The following CCDC171 variants were observed in gnomAD, a reference collection of about 807,000 sequenced individuals.
CCDC171 encodes coiled-coil domain-containing protein 171.
In CCDC171, 177 loss-of-function variants were observed where a neutral mutation model predicts 168.2. The observed-to-expected ratio is 1.05, with a 90% CI of 0.93 to 1.19. CCDC171 has a LOEUF of 1.19. CCDC171 is among the 50% of genes most tolerant of loss of function. CCDC171 has a pLI of 0.00. For synonymous variants in CCDC171, 687 were observed against 540.8 expected (o/e 1.27, Z -3.75); for missense variants, 1,991 against 1,539.0 (o/e 1.29, Z -4.91).
intron 25 of CCDC171, among the ~76,000 whole-genome samples, chr9:15,940,427 C>T (rs1827582362): frequency 6.6e-6 from 1 of 151,840 alleles, no homozygotes; most frequent in Non-Finnish European, 1.5e-5. Context: ...GACTTCTCAA[C>T]TTCCCACATA....
chr9:15,617,861 C>T (rs1033688517), intron 6 of CCDC171, among the ~76,000 whole-genome samples: 1 of 152,200 alleles, frequency 6.6e-6, no homozygotes, highest in Non-Finnish European at 1.5e-5. Context: ...AGATTGCTGC[C>T]TGCTCCTTCC....
At chr9:15,764,199 T>C (rs2056601489) in intron 18 of CCDC171, among the ~76,000 whole-genome samples, 2 of 152,230 alleles carry the variant, frequency 1.3e-5, no homozygotes, top group African/African-American at 4.8e-5. Flanking sequence ...ACCCACATTA[T>C]GCAAATCCTT....
chr9:15,862,120 C>G (rs1335430491), intron 23 of CCDC171, among the ~76,000 whole-genome samples: 1 of 151,632 alleles, frequency 6.6e-6, no homozygotes, highest in Non-Finnish European at 1.5e-5. Flanking sequence ...AATAGGGATT[C>G]CCTTGTTTGT....
chr9:15,962,167 A>C (rs557317032), intron 25 of CCDC171, among the ~76,000 whole-genome samples: 1 of 152,286 alleles, frequency 6.6e-6, no homozygotes, highest in East Asian at 1.9e-4. Context: ...ACAGGGGCTA[A>C]TGCTTGTAAC....
At chr9:15,639,202 T>C (rs1268485710) in intron 7 of CCDC171, among the ~76,000 whole-genome samples, 1 of 152,068 alleles carries the variant, frequency 6.6e-6, no homozygotes, top group Non-Finnish European at 1.5e-5. Flanking sequence ...CATGTGTTTG[T>C]AGGAATCATT....
intron 24 of CCDC171, among the ~76,000 whole-genome samples, chr9:15,893,820 C>T (rs900965213): frequency 1.3e-5 from 2 of 152,162 alleles, no homozygotes; most frequent in Admixed American, 6.5e-5. Flanking sequence ...AACACTTTTA[C>T]ACTGTTGGTA....
chr9:15,624,557 A>G (rs1373142554), intron 7 of CCDC171, among the ~76,000 whole-genome samples: 3 of 151,982 alleles, frequency 2.0e-5, no homozygotes, highest in Non-Finnish European at 4.4e-5. Flanking sequence ...GTGAGAACAT[A>G]CGGTGTTTGG....
chr9:15,810,645 G>A (rs1381740366), intron 21 of CCDC171, among the ~76,000 whole-genome samples: 1 of 152,232 alleles, frequency 6.6e-6, no homozygotes, highest in Non-Finnish European at 1.5e-5. Context: ...TGCTGGCCTG[G>A]GTGCTAAGCC....
Position 15,564,102 on chromosome 9 carries a change from C to G in CCDC171, c.14C>G (p.Thr5Ser), listed in dbSNP as rs117579945. 1 of 1,606,728 alleles carries G rather than the reference C, an allele frequency of 6.2e-7. No homozygotes were observed. Among genetic ancestry groups the G allele is most frequent in the Non-Finnish European group, 8.5e-7 (1 of 1,175,924 alleles). The change falls in exon 2 of 26, where the codon ACT becomes AGT. Residue 5 changes from threonine (T) to serine (S), a missense_variant. Coordinates refer to ENST00000380701, the MANE Select transcript of CCDC171 (RefSeq NM_173550.4). MNLN[T>S]SSNTGDTQRL... ...TTGGAAAACATCATGAATTTGAATACTTCAAGTAATACTGGTGATACCCAA... is the reference window on the plus strand; with the variant it reads ...TTGGAAAACATCATGAATTTGAATAGTTCAAGTAATACTGGTGATACCCAA...
Position 15,579,021 on chromosome 9 carries a change from G to C in CCDC171, c.350G>C (p.Cys117Ser). ...AEAHRIQEKLCAQNSELQAKT... is the reference protein window; with the variant it reads ...AEAHRIQEKLSAQNSELQAKT... ...GCACATAGGATCCAAGAAAAACTCTGTGGTAAGACTGTTTCTATTTCTTCC... is the reference window on the plus strand; with the variant it reads ...GCACATAGGATCCAAGAAAAACTCTCTGGTAAGACTGTTTCTATTTCTTCC... Residue 117 changes from cysteine (C) to serine (S), a missense_variant and splice_region_variant, in exon 4 of 26, where the codon TGT becomes TCT. Cys to Ser is a moderately radical substitution (Grantham distance 112, BLOSUM62 -1). Coordinates refer to ENST00000380701, the MANE Select transcript of CCDC171 (RefSeq NM_173550.4). 6.2e-7 allele frequency: 1 copy of C among 1,612,122 alleles called. No homozygotes were observed. Among genetic ancestry groups the C allele is most frequent in the Non-Finnish European group, 8.5e-7 (1 of 1,178,816 alleles).
intron 1 of CCDC171, among the ~76,000 whole-genome samples, chr9:16,047,294 G>A (rs1833676947): frequency 6.6e-6 from 1 of 152,072 alleles, no homozygotes; most frequent in Non-Finnish European, 1.5e-5. Context: ...TCTCTTTCCA[G>A]TTGATGGTCC....
intron 3 of CCDC171, among the ~76,000 whole-genome samples, chr9:16,006,674 A>G (rs1383003802): frequency 6.6e-6 from 1 of 151,092 alleles, no homozygotes; most frequent in Admixed American, 6.6e-5. Flanking sequence ...GAGTGAGAAC[A>G]TGCAGTGTTT....
At chr9:16,026,261 G>T (rs1247216495) in intron 6 of CCDC171, among the ~76,000 whole-genome samples, 1 of 152,140 alleles carries the variant, frequency 6.6e-6, no homozygotes, top group East Asian at 1.9e-4. Context: ...GATACACGTG[G>T]TGTTGGATAG....
intron 25 of CCDC171, among the ~76,000 whole-genome samples, chr9:15,964,081 G>T (rs1377289992): frequency 6.6e-6 from 1 of 152,178 alleles, no homozygotes; most frequent in Non-Finnish European, 1.5e-5. Context: ...GAGCTGTGGA[G>T]CCCAAGATAG....
At chr9:15,707,726 A>G (rs1401727735) in intron 11 of CCDC171, among the ~76,000 whole-genome samples, 1 of 152,214 alleles carries the variant, frequency 6.6e-6, no homozygotes, top group African/African-American at 2.4e-5. Flanking sequence ...ATTTTAAATG[A>G]CGGAACTGAA....
intron 9 of CCDC171, 93 bp downstream of exon 9, chr9:15,666,416 G>A (rs78718945): frequency 0.048 from 39,907 of 825,586 alleles, 1,260 homozygotes; most frequent in Non-Finnish European, 0.058. Flanking sequence ...TTTAGATATA[G>A]CTCCCATTAA....
chr9:15,842,221 T>C (rs1255151620), intron 21 of CCDC171, among the ~76,000 whole-genome samples: 2 of 152,014 alleles, frequency 1.3e-5, no homozygotes, highest in Non-Finnish European at 2.9e-5. Context: ...ATATTTCCCA[T>C]TAGACAAAAG....
At chr9:15,917,252 C>T (rs1319872246) in intron 24 of CCDC171, among the ~76,000 whole-genome samples, 2 of 152,024 alleles carry the variant, frequency 1.3e-5, no homozygotes, top group Non-Finnish European at 2.9e-5. Context: ...TGATACTCCT[C>T]ATACCTTCCA....
chr9:15,623,187 C>T, intron 6 of CCDC171, 80 bp from the exon 7 acceptor site: 2 of 956,876 alleles, frequency 2.1e-6, no homozygotes, highest in Non-Finnish European at 3.0e-6. Flanking sequence ...GATTTAGTTA[C>T]TCACTGTCTT....
Sources: allele counts gnomAD v4.1 joint callset (sites outside exome capture counted in the v4.1 genomes callset), GRCh38; gene constraint gnomAD v4.1.1; transcripts MANE v1.5; gene names NCBI Gene and HGNC (gene_info 2026-07-23, HGNC 2026-07-21).